The following RBM20 variants were observed in gnomAD, a reference collection of about 807,000 sequenced individuals.
RBM20 encodes RNA binding motif protein 20.
RBM20 carries 51 observed loss-of-function variants against 110.1 expected under a neutral mutation model. That is an observed-to-expected ratio of 0.46 (90% CI 0.37 to 0.59). RBM20 has a LOEUF of 0.59. Among genes scored for constraint, RBM20 ranks in the 20% least tolerant of loss-of-function variants. RBM20 has a pLI of 0.00. For synonymous variants in RBM20, 589 were observed against 618.2 expected, an observed-to-expected ratio of 0.95 and a Z score of 0.70; for missense variants, 1,512 against 1,574.9, an observed-to-expected ratio of 0.96 and a Z score of 0.68.
intron 1 of RBM20, among the ~76,000 whole-genome samples, chr10:110,728,544 A>G (rs2134946770): frequency 6.6e-6 from 1 of 151,978 alleles, no homozygotes; most frequent in East Asian, 1.9e-4. Context: ...AGTGACTTCA[A>G]TTTTCTCTCT....
chr10:110,810,293 C>T, intron 7 of RBM20, 90 bp from the exon 8 acceptor site: 1 of 907,344 alleles, frequency 1.1e-6, no homozygotes, highest in Non-Finnish European at 1.8e-6. Context: ...TTTGGTGGAC[C>T]AGGCAATGAA....
chr10:110,778,774 C>T (rs1437873386), intron 1 of RBM20, among the ~76,000 whole-genome samples: 1 of 152,228 alleles, frequency 6.6e-6, no homozygotes, highest in Non-Finnish European at 1.5e-5. Flanking sequence ...AGATTCCCTC[C>T]CTGCCTGTGG....
At chr10:110,660,055 C>A (rs776145518) in intron 1 of RBM20, among the ~76,000 whole-genome samples, 2 of 151,902 alleles carry the variant, frequency 1.3e-5, no homozygotes, top group Admixed American at 6.6e-5. Flanking sequence ...TGGGCTCAAG[C>A]GATCATTCTG....
In RBM20 at chr10:110,702,988, CTTGTTTTTTTTT is replaced by C. The variant is rs1490332550; in HGVS notation, c.191+58359_191+58370del. ...TTGGGGTTTGGGGTGGGTTTTTTTT[CTTGTTTTTTTTT>C]TTGTTTTTTTTTTTGGTTGGCTTAA... On this transcript the variant is annotated intron_variant, in intron 1 of 13. Coordinates refer to ENST00000369519, the MANE Select transcript of RBM20 (RefSeq NM_001134363.3). Among the ~76,000 whole-genome samples the C allele has an allele frequency of 5.0e-4, 63 of 126,860 alleles. 1 individual carries two copies. The highest frequency in any genetic ancestry group is 3.1e-4 in the Non-Finnish European group (19 of 60,696). The allele number at this position is 126,860 out of a possible 152,430, so 83.2% of individuals were successfully genotyped here. A position where few individuals can be genotyped will look rare whatever the true frequency, so the allele number is the denominator to read the frequency against.
intron 1 of RBM20, among the ~76,000 whole-genome samples, chr10:110,680,198 G>A (rs867570790): frequency 4.6e-5 from 7 of 152,246 alleles, no homozygotes; most frequent in Middle Eastern, 3.4e-3. Flanking sequence ...GTTCTTGGTG[G>A]GGGCGGAAGT....
intron 1 of RBM20, among the ~76,000 whole-genome samples, chr10:110,726,792 T>C (rs1172152114): frequency 6.6e-6 from 1 of 152,184 alleles, no homozygotes; most frequent in Non-Finnish European, 1.5e-5. Context: ...AAGATACAAA[T>C]TAAAATAAGC....
chr10:110,771,889 T>C (rs1284703414), intron 1 of RBM20, among the ~76,000 whole-genome samples: 1 of 152,234 alleles, frequency 6.6e-6, no homozygotes, highest in Non-Finnish European at 1.5e-5. Flanking sequence ...CATTAGCAAT[T>C]TGGTTTCTTA....
At chr10:110,684,644 G>A (rs1002466916) in intron 1 of RBM20, among the ~76,000 whole-genome samples, 1 of 152,164 alleles carries the variant, frequency 6.6e-6, no homozygotes, top group African/African-American at 2.4e-5. Flanking sequence ...GTTCAGGCCA[G>A]TTTCCACTCA....
intron 1 of RBM20, among the ~76,000 whole-genome samples, chr10:110,706,347 AG>A (rs1418152993): frequency 6.6e-6 from 1 of 152,164 alleles, no homozygotes; most frequent in Non-Finnish European, 1.5e-5. Context: ...TAGGTTCTTA[AG>A]AAATGTGAGT....
intron 1 of RBM20, among the ~76,000 whole-genome samples, chr10:110,759,167 T>C (rs1843961694): frequency 1.3e-5 from 2 of 152,220 alleles, no homozygotes; most frequent in Admixed American, 1.3e-4. Flanking sequence ...GCTGAGCTTG[T>C]TCGTTCTGGG....
chr10:110,737,229 C>A (rs1843682438), intron 1 of RBM20, among the ~76,000 whole-genome samples: 1 of 143,840 alleles, frequency 7.0e-6, no homozygotes, highest in South Asian at 2.2e-4. Context: ...AACAACAGAG[C>A]TTGTTCACCC....
intron 1 of RBM20, among the ~76,000 whole-genome samples, chr10:110,694,127 C>T (rs890895052): frequency 6.6e-6 from 1 of 152,178 alleles, no homozygotes; most frequent in African/African-American, 2.4e-5. Context: ...GTCATTCATG[C>T]AACAAGCATT....
intron 1 of RBM20, among the ~76,000 whole-genome samples, chr10:110,714,510 G>C (rs1429834896): frequency 1.3e-5 from 2 of 152,114 alleles, no homozygotes; most frequent in African/African-American, 4.8e-5. Flanking sequence ...GGTACTCCTA[G>C]AAGATCCCAT....
At chr10:110,824,663 A>T (rs980665935) in intron 12 of RBM20, among the ~76,000 whole-genome samples, 3 of 152,210 alleles carry the variant, frequency 2.0e-5, no homozygotes, top group Non-Finnish European at 4.4e-5. Flanking sequence ...GTCTCAGGGT[A>T]GGGAGTGAAG....
intron 1 of RBM20, among the ~76,000 whole-genome samples, chr10:110,710,732 A>G (rs1326046863): frequency 6.6e-6 from 1 of 152,180 alleles, no homozygotes; most frequent in African/African-American, 2.4e-5. Flanking sequence ...TTTTCCAGCT[A>G]GACACGTGCG....
intron 1 of RBM20, among the ~76,000 whole-genome samples, chr10:110,664,078 TA>T (rs956883933): frequency 3.3e-5 from 5 of 151,796 alleles, no homozygotes; most frequent in Middle Eastern, 3.2e-3. Context: ...TTTAAACAAA[TA>T]AAAAAATTTT....
At chr10:110,752,945 A>ATATATAT (rs1433992064) in intron 1 of RBM20, among the ~76,000 whole-genome samples, 94 of 108,984 alleles carry the variant, frequency 8.6e-4, no homozygotes, top group African/African-American at 2.7e-3. Flanking sequence ...ATATATATAT[A>ATATATAT]TTTTTTTTTT....
At chr10:110,833,350 T>C (rs534004044) in intron 13 of RBM20, among the ~76,000 whole-genome samples, 39 of 122,854 alleles carry the variant, frequency 3.2e-4, no homozygotes, top group African/African-American at 9.5e-4. Flanking sequence ...GATCACATCA[T>C]TGCTCTCCAG....
At chr10:110,810,960 ACAGT>A (rs1159840332) in intron 8 of RBM20, among the ~76,000 whole-genome samples, 1 of 152,218 alleles carries the variant, frequency 6.6e-6, no homozygotes, top group African/African-American at 2.4e-5. Flanking sequence ...AGTTATTTGA[ACAGT>A]CACTTTCTCG....
Sources: gnomAD v4.1 joint callset for allele counts (sites outside exome capture counted in the v4.1 genomes callset) on GRCh38, gnomAD v4.1.1 for gene constraint, MANE v1.5 for transcripts, NCBI Gene and HGNC (gene_info 2026-07-23, HGNC 2026-07-21) for gene names.